The following MYO16 variants were observed in gnomAD, a reference collection of about 807,000 sequenced individuals.
MYO16 encodes the protein myosin XVI.
A neutral mutation model predicts 205.3 loss-of-function variants in MYO16; 94 were observed. That is an observed-to-expected ratio of 0.46 (90% CI 0.39 to 0.54). The LOEUF is 0.54. MYO16 is among the 20% of genes least tolerant of loss of function. The pLI is 0.00. For missense variants in MYO16, 2,315 were observed against 2,387.5 expected (o/e 0.97, Z 0.63); for synonymous variants, 988 against 954.0 (o/e 1.04, Z -0.66).
At chr13:108,517,975 CCCT>C in the MYO16 span, among the ~76,000 whole-genome samples, 1 of 152,228 alleles carries the variant, frequency 6.6e-6, no homozygotes, top group Non-Finnish European at 1.5e-5. Context: ...GAGGGTGGAA[CCCT>C]CATGACTTAA....
chr13:108,630,715 G>T (rs1237853033), intron 1 of MYO16, among the ~76,000 whole-genome samples: 1 of 152,126 alleles, frequency 6.6e-6, no homozygotes, highest in African/African-American at 2.4e-5. Context: ...TTAAGGTTTT[G>T]CTGCCAAAGG....
At chr13:108,947,508 G>C (rs112001658) in intron 16 of MYO16, among the ~76,000 whole-genome samples, 1 of 152,284 alleles carries the variant, frequency 6.6e-6, no homozygotes, top group African/African-American at 2.4e-5. Flanking sequence ...TGAGCAAAAA[G>C]GTATTTTTCT....
At chr13:109,011,476 GCTTTTTTTTTTTTCTTCCTTT>G (rs1434126385) in intron 22 of MYO16, among the ~76,000 whole-genome samples, 1 of 135,466 alleles carries the variant, frequency 7.4e-6, no homozygotes, top group Non-Finnish European at 1.6e-5. Flanking sequence ...TTTTCTTTTT[GCTTTTTTTTTTTTCTTCCTTT>G]CTTTTTTTTT....
the MYO16 span, among the ~76,000 whole-genome samples, chr13:108,545,366 G>A: frequency 2.6e-5 from 4 of 152,142 alleles, no homozygotes; most frequent in Admixed American, 6.5e-5. Flanking sequence ...AGTATTCCAT[G>A]GTGTATATGT....
intron 34 of MYO16, among the ~76,000 whole-genome samples, chr13:109,182,414 C>A (rs375340106): frequency 2.6e-5 from 4 of 152,114 alleles, no homozygotes; most frequent in Non-Finnish European, 2.9e-5. Context: ...TGGCTCCATG[C>A]AGCACCAGCA....
Position 109,055,542 on chromosome 13 carries a change from G to A in MYO16, c.3282G>A (p.Lys1094=). ...LQYIGVLEMV[K]IFRYGYPVRL... Reference sequence around the variant, plus strand: ...ATATTGGGGTCCTGGAGATGGTGAAGATCTTCCGATATGGATACCCTGTTC... The same window carrying A: ...ATATTGGGGTCCTGGAGATGGTGAAAATCTTCCGATATGGATACCCTGTTC... Residue 1094 remains lysine, a synonymous_variant, in exon 27 of 35, where the codon AAG becomes AAA. Coordinates refer to ENST00000457511, the MANE Select transcript of MYO16 (RefSeq NM_001198950.3). The surrounding 1 kb of genome is among the most constrained non-coding windows in gnomAD (Gnocchi z 5.0). 6.2e-7 allele frequency: 1 copy of A among 1,613,062 alleles called. No homozygotes were observed.
chr13:109,074,328 G>A (rs559611142), intron 27 of MYO16, among the ~76,000 whole-genome samples: 16 of 152,192 alleles, frequency 1.1e-4, no homozygotes, highest in East Asian at 9.7e-4. Flanking sequence ...GTATTAGTCC[G>A]TTTTCACACT....
intron 4 of MYO16, among the ~76,000 whole-genome samples, chr13:108,750,673 G>T (rs1422458030): frequency 6.6e-6 from 1 of 151,958 alleles, no homozygotes; most frequent in Non-Finnish European, 1.5e-5. Context: ...CAAGCGTGGT[G>T]GCGTGCACCT....
In MYO16 at chr13:108,718,257, C is replaced by T. The variant is rs2139564231; in HGVS notation, c.363+5526C>T. ...AGGTATTAAAGAACAAAAATAGTTG[C>T]TGTGTGGAAGTTGTCCACCAGTAAC... is the stretch of plus-strand genomic sequence containing the variant. On this transcript the variant is annotated intron_variant, in intron 3 of 34. Transcript: ENST00000457511. 3.3e-5 allele frequency among the ~76,000 whole-genome samples: 5 copies of T among 152,172 alleles called. No individual in the cohort carries two copies. In the Middle Eastern group the frequency reaches 0.014, roughly 414 times the overall value.
At chr13:108,674,661 G>A (rs1882126402) in intron 2 of MYO16, among the ~76,000 whole-genome samples, 2 of 152,162 alleles carry the variant, frequency 1.3e-5, no homozygotes, top group African/African-American at 4.8e-5. Flanking sequence ...ACATGACCAA[G>A]CCTGGATCCA....
chr13:108,602,315 A>G (rs1878795878), intron 1 of MYO16, among the ~76,000 whole-genome samples: 1 of 152,012 alleles, frequency 6.6e-6, no homozygotes, highest in African/African-American at 2.4e-5. Context: ...TTTTTATAAG[A>G]TGTAGACCTC....
intron 28 of MYO16, among the ~76,000 whole-genome samples, chr13:109,118,783 G>T (rs1207401902): frequency 2.7e-5 from 4 of 148,778 alleles, no homozygotes; most frequent in African/African-American, 9.9e-5. Context: ...TTGGGAAGGA[G>T]AAAAAAAAGA....
At chr13:108,694,677 T>A (rs1257516084) in intron 2 of MYO16, among the ~76,000 whole-genome samples, 1 of 152,246 alleles carries the variant, frequency 6.6e-6, no homozygotes, top group African/African-American at 2.4e-5. Flanking sequence ...AACATTCTTT[T>A]GATAATGTCC....
upstream of MYO16, among the ~76,000 whole-genome samples, chr13:108,627,517 G>C (rs1313488953): frequency 6.6e-6 from 1 of 152,048 alleles, no homozygotes; most frequent in Non-Finnish European, 1.5e-5. Flanking sequence ...TTTGAGGTCA[G>C]GGAGTCAAGT....
chr13:108,841,733 AC>A (rs1877252872), intron 9 of MYO16, among the ~76,000 whole-genome samples: 1 of 152,168 alleles, frequency 6.6e-6, no homozygotes, highest in Non-Finnish European at 1.5e-5. Context: ...AAGAAGAGAA[AC>A]TTTGTATGGA....
At chr13:108,740,996 G>T (rs1426096341) in intron 4 of MYO16, among the ~76,000 whole-genome samples, 2 of 152,136 alleles carry the variant, frequency 1.3e-5, no homozygotes, top group Admixed American at 1.3e-4. Context: ...TGCAGTATTA[G>T]GGTGGGAGTG....
chr13:109,174,169 T>G (rs1232503251), intron 33 of MYO16, among the ~76,000 whole-genome samples: 2 of 151,938 alleles, frequency 1.3e-5, no homozygotes, highest in Non-Finnish European at 1.5e-5. Flanking sequence ...TTGAGGCAAA[T>G]GATGGGAGAA....
At chr13:108,504,246 C>T in the MYO16 span, among the ~76,000 whole-genome samples, 26 of 152,154 alleles carry the variant, frequency 1.7e-4, no homozygotes, top group African/African-American at 5.5e-4. Context: ...CTCAGCCTCA[C>T]GAGTAGCTGG....
intron 12 of MYO16, among the ~76,000 whole-genome samples, chr13:108,877,709 G>T (rs1879391496): frequency 1.3e-5 from 2 of 152,088 alleles, no homozygotes; most frequent in African/African-American, 4.8e-5. Context: ...TTTTTAAATT[G>T]ATTTGTAGGA....
Sources: gnomAD v4.1 joint callset for allele counts (sites outside exome capture counted in the v4.1 genomes callset) on GRCh38, gnomAD v4.1.1 for gene constraint, Gnocchi (gnomAD v3.1) non-coding constraint, MANE v1.5 for transcripts, NCBI Gene and HGNC (gene_info 2026-07-23, HGNC 2026-07-21) for gene names.